The following SLCO1A2 variants were observed in gnomAD, a reference collection of about 807,000 sequenced individuals.
The protein encoded by SLCO1A2 is solute carrier organic anion transporter family member 1A2.
Under a neutral mutation model 69.0 loss-of-function variants are expected in SLCO1A2, and 67 were observed. That is an observed-to-expected ratio of 0.97 (90% CI 0.80 to 1.19). The LOEUF (loss-of-function observed/expected upper bound fraction) is 1.19. Ranked by LOEUF, SLCO1A2 falls within the 50% of genes most tolerant of loss-of-function variation. The pLI is 0.00. For synonymous variants in SLCO1A2, 260 were observed against 265.9 expected (o/e 0.98, Z 0.22); for missense variants, 787 against 793.7 (o/e 0.99, Z 0.10).
Position 21,318,797 on chromosome 12 carries a change from C to T in SLCO1A2, c.187G>A (p.Gly63Arg). Residue 63 changes from glycine (G) to arginine (R), a missense_variant, in exon 3 of 15, where the codon GGA becomes AGA. Physicochemically the swap from Gly to Arg is moderately radical, Grantham distance 125 (BLOSUM62 -2). Transcript: ENST00000683939. ...AATTCATTACCAATCTCAAAGCTTC[C>T]ATTAATGAATCCAACTAGAGATGTT... is the stretch of plus-strand genomic sequence containing the variant. ...IPTSLVGFIN[G>R]SFEIGNLLLI... is the part of the protein sequence containing the mutation. The T allele has an allele frequency of 1.3e-6, 2 of 1,598,562 alleles. No homozygotes were observed. Among genetic ancestry groups the T allele is most frequent in the Non-Finnish European group, 1.7e-6 (2 of 1,175,630 alleles).
At chr12:21,400,946 G>C (rs1225790097) in intron 1 of SLCO1A2, among the ~76,000 whole-genome samples, 3,455 of 147,640 alleles carry the variant, frequency 0.023, 69 homozygotes, top group Non-Finnish European at 0.036. Flanking sequence ...GTTAGTGGGT[G>C]CAGCTCACCA....
At chr12:21,303,781 G>A (rs1949012938) in intron 6 of SLCO1A2, among the ~76,000 whole-genome samples, 1 of 152,158 alleles carries the variant, frequency 6.6e-6, no homozygotes, top group Non-Finnish European at 1.5e-5. Flanking sequence ...AGACGTATTT[G>A]TGAAAAATAT....
chr12:21,285,485 G>A (rs1218576210), intron 12 of SLCO1A2, among the ~76,000 whole-genome samples: 4 of 137,250 alleles, frequency 2.9e-5, no homozygotes, highest in Admixed American at 7.5e-5. Flanking sequence ...AGAAAAAGAG[G>A]GAATCCTCCC....
intron 2 of SLCO1A2, among the ~76,000 whole-genome samples, chr12:21,371,577 T>G (rs978209192): frequency 6.6e-6 from 1 of 152,224 alleles, no homozygotes; most frequent in African/African-American, 2.4e-5. Context: ...AACTAATGTT[T>G]CTAGTTAGAG....
At chr12:21,384,556 G>A (rs1940769241) in intron 1 of SLCO1A2, among the ~76,000 whole-genome samples, 1 of 152,010 alleles carries the variant, frequency 6.6e-6, no homozygotes, top group Non-Finnish European at 1.5e-5. Flanking sequence ...TATAGAAACA[G>A]CATATCTGGT....
intron 1 of SLCO1A2, among the ~76,000 whole-genome samples, chr12:21,410,277 TAA>T (rs1009865059): frequency 2.0e-5 from 3 of 152,118 alleles, no homozygotes; most frequent in African/African-American, 7.2e-5. Context: ...TGCATATTCC[TAA>T]AGAGAGAGAG....
chr12:21,395,723 C>A (rs1233772803), upstream of SLCO1A2, among the ~76,000 whole-genome samples: 1 of 152,164 alleles, frequency 6.6e-6, no homozygotes, highest in Non-Finnish European at 1.5e-5. Context: ...CCCCTGACCC[C>A]CGAGCAGCCT....
intron 10 of SLCO1A2, 187 bp downstream of exon 10, chr12:21,295,410 C>G (rs1947557318): frequency 1.8e-6 from 1 of 548,124 alleles, no homozygotes. Flanking sequence ...ATGTTCCCAA[C>G]CTCATTAATA....
upstream of SLCO1A2, among the ~76,000 whole-genome samples, chr12:21,339,023 T>C (rs1952982427): frequency 6.6e-6 from 1 of 152,036 alleles, no homozygotes; most frequent in African/African-American, 2.4e-5. Flanking sequence ...TCATCTCTGA[T>C]ATTGAAATAT....
chr12:21,276,914 G>A (rs888268780), intron 12 of SLCO1A2, among the ~76,000 whole-genome samples: 1 of 152,184 alleles, frequency 6.6e-6, no homozygotes, highest in Non-Finnish European at 1.5e-5. Context: ...AGCAAGCCTC[G>A]CCACCATGGG....
In SLCO1A2 at chr12:21,300,376, G is replaced by C. The variant is rs773166971; in HGVS notation, c.882C>G (p.Val294=). 11 of 1,611,746 alleles carry C rather than the reference G, an allele frequency of 6.8e-6. No individual in the cohort carries two copies. In the South Asian group the frequency reaches 1.2e-4, roughly 18 times the overall value. Residue 294 remains valine (V), a synonymous_variant, in exon 8 of 15, where the codon GTC becomes GTG. Transcript: ENST00000683939. ...TAGTGATTCCATATTTTTCCTTCTT[G>C]ACCTCTTCTTTTTGTTTGTCTTCAT... The part of the protein sequence containing the change: ...NENEDKQKEE[V]KKEKYGITKD...
intron 2 of SLCO1A2, among the ~76,000 whole-genome samples, chr12:21,353,357 TC>T (rs1938108786): frequency 6.6e-6 from 1 of 151,728 alleles, no homozygotes; most frequent in African/African-American, 2.4e-5. Context: ...GAGCTAAAGA[TC>T]TTCTGAACCA....
At chr12:21,277,948 A>T (rs1346697606) in intron 12 of SLCO1A2, among the ~76,000 whole-genome samples, 1 of 152,174 alleles carries the variant, frequency 6.6e-6, no homozygotes, top group Admixed American at 6.5e-5. Context: ...TTGCAGTTCC[A>T]GATTCTGGGC....
At chr12:21,300,621 G>A in intron 7 of SLCO1A2, 52 bp from the exon 8 acceptor site, 2 of 1,311,144 alleles carry the variant, frequency 1.5e-6, no homozygotes, top group Non-Finnish European at 1.0e-6. Flanking sequence ...TTTTCTGTAT[G>A]AACTATAGAA....
chr12:21,359,526 A>C (rs916319172), intron 2 of SLCO1A2, among the ~76,000 whole-genome samples: 6 of 152,194 alleles, frequency 3.9e-5, no homozygotes, highest in Non-Finnish European at 8.8e-5. Flanking sequence ...ACCATTTGGC[A>C]AGCCATGTCC....
chr12:21,283,631 A>T (rs1391761024), intron 12 of SLCO1A2, among the ~76,000 whole-genome samples: 1 of 152,192 alleles, frequency 6.6e-6, no homozygotes, highest in Non-Finnish European at 1.5e-5. Context: ...ATGAAGAGAC[A>T]ACTCACAGAA....
chr12:21,269,572 A>G lies in SLCO1A2; in HGVS notation c.1989T>C (p.Asp663=), dbSNP rs892684558. The change falls in exon 15 of 15, where the codon GAT becomes GAC. Residue 663 remains aspartate, a synonymous_variant. Transcript: ENST00000683939. ...DIYQKSTVLK[D]DELKTKL ...ATTACAATTTAGTTTTCAATTCATC[A>G]TCTTTCAAAACCGTGGACTTTTGGT... The G allele has an allele frequency of 1.2e-6, 2 of 1,611,540 alleles. No homozygotes were observed. The highest frequency in any genetic ancestry group is 1.7e-6 in the Non-Finnish European group (2 of 1,178,456).
chr12:21,354,815 A>AAGTC (rs1938234039), intron 2 of SLCO1A2: 2 of 152,122 alleles, frequency 1.3e-5, no homozygotes, highest in African/African-American at 4.8e-5. Flanking sequence ...ATCTCCCAAT[A>AAGTC]AGTCATCTTT....
chr12:21,317,284 A>T (rs1311165352), intron 3 of SLCO1A2, among the ~76,000 whole-genome samples: 7 of 152,146 alleles, frequency 4.6e-5, no homozygotes, highest in Admixed American at 4.6e-4. Context: ...CTGCAGGCTC[A>T]CATTCCTAAT....
Sources: gnomAD v4.1 joint callset for allele counts (sites outside exome capture counted in the v4.1 genomes callset) on GRCh38, gnomAD v4.1.1 for gene constraint, MANE v1.5 for transcripts, NCBI Gene and HGNC (gene_info 2026-07-23, HGNC 2026-07-21) for gene names.